CELF2: variants seen among roughly 807,000 people sequenced by gnomAD.
The protein encoded by CELF2 is CUGBP Elav-like family member 2.
In CELF2, 8 loss-of-function variants were observed where a neutral mutation model predicts 62.6. That is an observed-to-expected ratio of 0.13 (90% CI 0.07 to 0.23). CELF2 has a LOEUF of 0.23. CELF2 is among the 10% of genes least tolerant of loss of function. The probability of loss-of-function intolerance (pLI) is 1.00; values close to 1 mark genes in which losing one functional copy is unlikely to be tolerated. For missense variants in CELF2, 333 were observed against 671.0 expected, an observed-to-expected ratio of 0.50 and a Z score of 5.56; for synonymous variants, 258 against 250.0, an observed-to-expected ratio of 1.03 and a Z score of -0.30.
In CELF2 at chr10:10,991,627, AT is replaced by A. The variant is rs763105856; in HGVS notation, c.89+71636del. Reference sequence around the variant, plus strand: ...ACTTCTCAGTAATTTTGTTTTCTCAATTTTTTTTGGAGGAGTTTGAGGCTTT... The same window carrying A: ...ACTTCTCAGTAATTTTGTTTTCTCAATTTTTTTGGAGGAGTTTGAGGCTTT... On this transcript the variant is annotated intron_variant, in intron 2 of 13. Transcript: ENST00000636488. 7.2e-5 allele frequency among the ~76,000 whole-genome samples: 11 copies of A among 152,138 alleles called. No homozygotes were observed. In the East Asian group the frequency reaches 1.2e-3, roughly 16 times the overall value.
At chr10:11,303,023 C>T (rs1054253933) in intron 9 of CELF2, among the ~76,000 whole-genome samples, 5 of 152,180 alleles carry the variant, frequency 3.3e-5, no homozygotes, top group Admixed American at 6.5e-5. Context: ...TGATACATGT[C>T]GGAGGCATCT....
the CELF2 span, among the ~76,000 whole-genome samples, chr10:10,678,920 T>A: frequency 1.3e-5 from 2 of 152,134 alleles, no homozygotes; most frequent in Non-Finnish European, 2.9e-5. Context: ...CATTCCAGGA[T>A]ACACATATAA....
At chr10:10,605,465 A>G in the CELF2 span, among the ~76,000 whole-genome samples, 5 of 152,198 alleles carry the variant, frequency 3.3e-5, no homozygotes, top group African/African-American at 1.2e-4. Flanking sequence ...CCTACTATCC[A>G]ATAAGGCTGT....
At chr10:11,114,178 T>C (rs1444623930) in intron 1 of CELF2, among the ~76,000 whole-genome samples, 1 of 152,202 alleles carries the variant, frequency 6.6e-6, no homozygotes, top group Non-Finnish European at 1.5e-5. Context: ...GTCTCTCTCA[T>C]TTTAATACCT....
chr10:10,663,458 A>T, the CELF2 span, among the ~76,000 whole-genome samples: 5 of 152,224 alleles, frequency 3.3e-5, no homozygotes, highest in African/African-American at 1.2e-4. Flanking sequence ...GTCTCAAACT[A>T]ATATGACATT....
At chr10:10,626,838 A>G in the CELF2 span, among the ~76,000 whole-genome samples, 6 of 152,200 alleles carry the variant, frequency 3.9e-5, no homozygotes, top group African/African-American at 1.4e-4. Flanking sequence ...GATGCTGATT[A>G]TTTTTCTCTG....
the CELF2 span, among the ~76,000 whole-genome samples, chr10:10,482,165 A>G: frequency 6.6e-6 from 1 of 152,232 alleles, no homozygotes; most frequent in East Asian, 1.9e-4. Context: ...ATTGTTGATT[A>G]TGTATTCATG....
chr10:11,069,197 A>T (rs1055376717), intron 1 of CELF2, among the ~76,000 whole-genome samples: 1 of 152,188 alleles, frequency 6.6e-6, no homozygotes, highest in Non-Finnish European at 1.5e-5. Flanking sequence ...GAAGTCAAGA[A>T]ATGTTTTTAT....
the CELF2 span, among the ~76,000 whole-genome samples, chr10:10,669,977 G>A: frequency 7.8e-5 from 11 of 141,704 alleles, no homozygotes; most frequent in Admixed American, 4.6e-4. Flanking sequence ...ATCTTGGCTC[G>A]CTGCAATGTC....
the CELF2 span, among the ~76,000 whole-genome samples, chr10:10,525,438 T>C: frequency 5.3e-5 from 8 of 152,300 alleles, no homozygotes; most frequent in African/African-American, 1.9e-4. Flanking sequence ...CTTCTTCCAA[T>C]GCATCCCAGG....
chr10:10,596,243 T>C, the CELF2 span, among the ~76,000 whole-genome samples: 1 of 131,004 alleles, frequency 7.6e-6, no homozygotes, highest in African/African-American at 2.6e-5. Flanking sequence ...AAAAGGATTC[T>C]AACTTCTACC....
At chr10:10,750,230 C>T in the CELF2 span, among the ~76,000 whole-genome samples, 127 of 150,948 alleles carry the variant, frequency 8.4e-4, no homozygotes, top group East Asian at 1.6e-3. Flanking sequence ...TGGAGTGAGC[C>T]GAGATTGCAC....
chr10:11,200,358 A>G (rs1354371400), intron 2 of CELF2, among the ~76,000 whole-genome samples: 1 of 152,240 alleles, frequency 6.6e-6, no homozygotes, highest in Non-Finnish European at 1.5e-5. Flanking sequence ...ATGTTCCTAC[A>G]GCAAAGATAT....
chr10:10,729,595 A>G, the CELF2 span, among the ~76,000 whole-genome samples: 1 of 152,110 alleles, frequency 6.6e-6, no homozygotes, highest in Admixed American at 6.5e-5. Context: ...CAACAGAGCA[A>G]GACTCCGTTT....
chr10:10,803,173 C>A (rs1487523782), intron 1 of CELF2, among the ~76,000 whole-genome samples: 1 of 152,208 alleles, frequency 6.6e-6, no homozygotes, highest in African/African-American at 2.4e-5. Context: ...TTCACTCTTG[C>A]TCTCTTAAAC....
At chr10:10,492,454 G>A in the CELF2 span, among the ~76,000 whole-genome samples, 1 of 143,328 alleles carries the variant, frequency 7.0e-6, no homozygotes, top group African/African-American at 2.8e-5. Context: ...AGAACTTAAA[G>A]TATAATAAAT....
At chr10:11,103,008 C>T (rs2052198811) in intron 1 of CELF2, among the ~76,000 whole-genome samples, 1 of 152,196 alleles carries the variant, frequency 6.6e-6, no homozygotes, top group South Asian at 2.1e-4. Flanking sequence ...ACCTGAGTCT[C>T]ATCTTGTTAC....
chr10:10,570,567 C>A, the CELF2 span, among the ~76,000 whole-genome samples: 1 of 151,570 alleles, frequency 6.6e-6, no homozygotes, highest in South Asian at 2.1e-4. Flanking sequence ...ATGAAAGAGA[C>A]CCACTTAGAA....
At position 11,324,379 on chromosome 10, in the gene CELF2, C is replaced by A. The variant is rs912270581; in HGVS notation, c.1295-1457C>A. On this transcript the variant is annotated intron_variant, in intron 11 of 12. Transcript: ENST00000633077. This position sits in a 1 kb window ranked among gnomAD's most constrained non-coding sequence, Gnocchi z 4.7. ...CACACACAGCAGTGCTCAGAACATC[C>A]CTTTCCAGTGTTTCAGGTTTTGCAT... Among the ~76,000 whole-genome samples, 1 of 152,176 alleles carries A rather than the reference C, an allele frequency of 6.6e-6. No individual in the cohort carries two copies. The highest frequency in any genetic ancestry group is 1.5e-5 in the Non-Finnish European group (1 of 68,032).
Sources: allele counts gnomAD v4.1 joint callset (sites outside exome capture counted in the v4.1 genomes callset), GRCh38; gene constraint gnomAD v4.1.1; non-coding constraint Gnocchi (gnomAD v3.1); transcripts MANE v1.5; gene names NCBI Gene and HGNC (gene_info 2026-07-23, HGNC 2026-07-21).